The following MCC variants were observed in gnomAD, a reference collection of about 807,000 sequenced individuals.
MCC encodes the protein MCC regulator of Wnt signaling pathway.
In MCC, 90 loss-of-function variants were observed where a neutral mutation model predicts 116.2. The observed-to-expected ratio is 0.77, with a 90% CI of 0.65 to 0.92. MCC has a LOEUF of 0.92. Ranked by LOEUF, MCC falls within the 40% of genes least tolerant of loss-of-function variation. The pLI, the probability that MCC is intolerant of heterozygous loss-of-function variation, is 0.00. For synonymous variants in MCC, 578 were observed against 510.5 expected (o/e 1.13, Z -1.78); for missense variants, 1,516 against 1,312.2 (o/e 1.16, Z -2.40).
chr5:113,227,876 C>CTGTA (rs1763804061), intron 3 of MCC, among the ~76,000 whole-genome samples: 2 of 152,172 alleles, frequency 1.3e-5, no homozygotes, highest in African/African-American at 4.8e-5. Context: ...ACAGTAAAGA[C>CTGTA]AATCTGTAAA....
At chr5:113,262,962 T>G (rs942996101) in intron 3 of MCC, among the ~76,000 whole-genome samples, 1 of 152,048 alleles carries the variant, frequency 6.6e-6, no homozygotes, top group Non-Finnish European at 1.5e-5. Context: ...GGCCATCAAA[T>G]TCATACAGAG....
intron 14 of MCC, among the ~76,000 whole-genome samples, chr5:113,063,588 C>A (rs1753370644): frequency 6.6e-6 from 1 of 152,174 alleles, no homozygotes; most frequent in South Asian, 2.1e-4. Context: ...CTGGGCTGGG[C>A]CTTGGGACCA....
intron 11 of MCC, among the ~76,000 whole-genome samples, chr5:113,082,074 G>A (rs1754896805): frequency 6.6e-6 from 1 of 152,188 alleles, no homozygotes; most frequent in Admixed American, 6.5e-5. Context: ...CCATGGTTTT[G>A]CCCTGGTCAT....
intron 1 of MCC, among the ~76,000 whole-genome samples, chr5:113,406,375 T>C (rs1580338694): frequency 6.6e-6 from 1 of 152,234 alleles, no homozygotes; most frequent in Non-Finnish European, 1.5e-5. Context: ...AATTCACTTA[T>C]GCCATCGAAT....
At chr5:113,083,313 A>C (rs1754988789) in intron 10 of MCC, among the ~76,000 whole-genome samples, 1 of 152,126 alleles carries the variant, frequency 6.6e-6, no homozygotes, top group African/African-American at 2.4e-5. Context: ...TGTGGAACAG[A>C]GTCAGGATTT....
At chr5:113,078,782 C>T (rs994786531) in intron 11 of MCC, among the ~76,000 whole-genome samples, 2 of 152,180 alleles carry the variant, frequency 1.3e-5, no homozygotes, top group Non-Finnish European at 2.9e-5. Context: ...CACTCCTATT[C>T]AACACAGTGT....
intron 15 of MCC, among the ~76,000 whole-genome samples, chr5:113,051,168 T>C (rs1752461846): frequency 6.6e-6 from 1 of 152,136 alleles, no homozygotes; most frequent in Admixed American, 6.5e-5. Flanking sequence ...AACCACTCTG[T>C]AGGGACATCT....
intron 3 of MCC, among the ~76,000 whole-genome samples, chr5:113,258,679 C>T (rs1386660874): frequency 6.6e-6 from 1 of 152,208 alleles, no homozygotes. Flanking sequence ...GGTTGGGGGT[C>T]ACTCACTTAG....
At chr5:113,149,835 C>G (rs1466276064) in intron 4 of MCC, among the ~76,000 whole-genome samples, 1 of 152,146 alleles carries the variant, frequency 6.6e-6, no homozygotes, top group African/African-American at 2.4e-5. Flanking sequence ...TCCATAAGAT[C>G]TGAGTGGCAT....
intron 14 of MCC, among the ~76,000 whole-genome samples, chr5:113,059,441 A>T (rs1162260366): frequency 6.6e-6 from 1 of 152,192 alleles, no homozygotes; most frequent in Non-Finnish European, 1.5e-5. Context: ...CGGTCTCCCA[A>T]GGGCCTGCTG....
At chr5:113,384,424 T>G (rs916244371) in intron 2 of MCC, among the ~76,000 whole-genome samples, 2 of 152,122 alleles carry the variant, frequency 1.3e-5, no homozygotes, top group African/African-American at 4.8e-5. Context: ...CCGTCTCTAC[T>G]AAAAATACAA....
At chr5:113,314,391 C>G (rs1174643155) in intron 3 of MCC, among the ~76,000 whole-genome samples, 1 of 152,162 alleles carries the variant, frequency 6.6e-6, no homozygotes, top group Non-Finnish European at 1.5e-5. Flanking sequence ...CCTGCAGGTC[C>G]TGAGTTGTTC....
At chr5:113,464,844 G>A (rs970692266) in intron 1 of MCC, among the ~76,000 whole-genome samples, 3 of 151,862 alleles carry the variant, frequency 2.0e-5, no homozygotes, top group South Asian at 4.2e-4. Context: ...ATAAAATGTA[G>A]GGGGAAAATT....
chr5:113,304,368 C>G (rs934628882), intron 3 of MCC, among the ~76,000 whole-genome samples: 1 of 152,182 alleles, frequency 6.6e-6, no homozygotes, highest in Admixed American at 6.5e-5. Context: ...AAAACCCAAC[C>G]TTCTCCAACT....
At chr5:113,054,756 T>C (rs1388850510) in intron 14 of MCC, among the ~76,000 whole-genome samples, 1 of 152,036 alleles carries the variant, frequency 6.6e-6, no homozygotes, top group African/African-American at 2.4e-5. Flanking sequence ...CCAAGGTGAA[T>C]GGTGACCAGG....
intron 3 of MCC, among the ~76,000 whole-genome samples, chr5:113,287,381 T>C (rs1328748333): frequency 3.9e-5 from 6 of 152,164 alleles, no homozygotes; most frequent in Non-Finnish European, 8.8e-5. Context: ...CAGGCTGGAG[T>C]GCTGTGGTGC....
In MCC at chr5:113,340,690, A is replaced by C. The variant is rs917155202; in HGVS notation, c.456T>G (p.Ser152=). Residue 152 remains serine, a synonymous_variant, in exon 3 of 19, where the codon TCT becomes TCG. Transcript: ENST00000408903. The part of the protein sequence containing the change: ...SAARESWEYD[S]GARDLQSPDV... ...CCGGGCTCTGGAGGTCCCTGGCACCAGAGTCGTATTCCCAGCTCTCCCTGG... is the reference window on the plus strand; with the variant it reads ...CCGGGCTCTGGAGGTCCCTGGCACCCGAGTCGTATTCCCAGCTCTCCCTGG... 2.5e-6 allele frequency: 4 copies of C among 1,613,834 alleles called. No homozygotes were observed. The African/African-American group carries it at 5.3e-5, about 22-fold the overall frequency.
intron 4 of MCC, among the ~76,000 whole-genome samples, chr5:113,143,838 T>C (rs1007692789): frequency 3.9e-5 from 6 of 152,366 alleles, no homozygotes; most frequent in Non-Finnish European, 8.8e-5. Flanking sequence ...CTGTTCAGTT[T>C]CCCTTTTTAC....
At position 113,488,380 on chromosome 5, in the gene MCC, C is replaced by G. The variant is rs758596739; in HGVS notation, c.35G>C (p.Ser12Thr). 3 of 1,451,606 alleles carry G rather than the reference C, an allele frequency of 2.1e-6. No individual in the cohort carries two copies. The highest frequency in any genetic ancestry group is 5.9e-5 in the East Asian group (2 of 33,918). 89.9% of individuals were successfully genotyped at this position (1,451,606 alleles called of 1,614,324 possible). The change falls in exon 1 of 19, where the codon AGC becomes ACC. Residue 12 changes from serine to threonine, a missense_variant. Physicochemically the swap from Ser to Thr is moderately conservative, Grantham distance 58. Transcript: ENST00000408903. ...MAAAAAAAAG[S>T]SSSGGGGGGS... The stretch of plus-strand genomic sequence containing the variant: ...GCCGCCGCCGCCGCCGCTGCTGGAG[C>G]TCCCCGCAGCCGCTGCCGCCGCGGC...
Sources: gnomAD v4.1 joint callset for allele counts (sites outside exome capture counted in the v4.1 genomes callset) on GRCh38, gnomAD v4.1.1 for gene constraint, MANE v1.5 for transcripts, NCBI Gene and HGNC (gene_info 2026-07-23, HGNC 2026-07-21) for gene names.